Variants in FAM81B observed in about 807,000 individuals in gnomAD.
FAM81B encodes the protein protein FAM81B.
In FAM81B, 60 loss-of-function variants were observed where a neutral mutation model predicts 58.7. That is an observed-to-expected ratio of 1.02 (90% CI 0.83 to 1.27). The LOEUF (loss-of-function observed/expected upper bound fraction) is 1.27, where lower values mean the gene tolerates loss of function less well. Ranked by LOEUF, FAM81B falls within the 50% of genes most tolerant of loss-of-function variation. The pLI is 0.00. For synonymous variants in FAM81B, 189 were observed against 179.6 expected (o/e 1.05, Z -0.42); for missense variants, 491 against 522.0 (o/e 0.94, Z 0.58).
intron 3 of FAM81B, among the ~76,000 whole-genome samples, chr5:95,398,866 G>A (rs758812482): frequency 2.2e-4 from 33 of 152,160 alleles, no homozygotes; most frequent in Non-Finnish European, 2.4e-4. Flanking sequence ...GGTGTAGCAG[G>A]AACAGAAAGG....
intron 5 of FAM81B, 27 bp downstream of exon 5, chr5:95,420,429 T>A: frequency 6.2e-7 from 1 of 1,611,698 alleles, no homozygotes; most frequent in South Asian, 1.1e-5. Context: ...TGACTAATGT[T>A]TAACAGTGAA....
At chr5:95,427,379 C>A (rs1472693245) in intron 5 of FAM81B, among the ~76,000 whole-genome samples, 2 of 152,142 alleles carry the variant, frequency 1.3e-5, no homozygotes, top group African/African-American at 4.8e-5. Flanking sequence ...TGCGTACCAT[C>A]CTGCTCCCAT....
chr5:95,415,407 C>A (rs994753769), intron 4 of FAM81B, among the ~76,000 whole-genome samples: 3 of 152,218 alleles, frequency 2.0e-5, no homozygotes, highest in African/African-American at 7.2e-5. Flanking sequence ...TTGATTAATT[C>A]ATTTTCCATC....
At chr5:95,413,078 G>A (rs996933954) in intron 3 of FAM81B, among the ~76,000 whole-genome samples, 10 of 152,180 alleles carry the variant, frequency 6.6e-5, no homozygotes, top group African/African-American at 2.4e-4. Context: ...CTCTGATGAA[G>A]AGTGTTTTTT....
intron 3 of FAM81B, among the ~76,000 whole-genome samples, chr5:95,404,569 A>T (rs1762197339): frequency 6.6e-6 from 1 of 152,024 alleles, no homozygotes; most frequent in South Asian, 2.1e-4. Flanking sequence ...AAGAGAGTAA[A>T]CTATGTCTTG....
rs57076025 is a variant in FAM81B, at chr5:95,426,094, G to GTATATATATATATATA, written c.657-2495_657-2480dup. 1.9e-3 allele frequency among the ~76,000 whole-genome samples: 232 copies of GTATATATATATATATA among 120,102 alleles called. 2 individuals carry two copies. Among genetic ancestry groups the GTATATATATATATATA allele is most frequent in the African/African-American group, 5.1e-3 (156 of 30,582 alleles). 78.8% of individuals were successfully genotyped at this position (120,102 alleles called of 152,430 possible). A position where few individuals can be genotyped will look rare whatever the true frequency, so the allele number is the denominator to read the frequency against. Reference sequence around the variant, plus strand: ...TTATGTTTTCTTCCTATCTCTGTGTGTATATATATATATATATATATATAT... The same window carrying GTATATATATATATATA: ...TTATGTTTTCTTCCTATCTCTGTGTGTATATATATATATATATATATATATATATATATATATATAT... On this transcript the variant is annotated intron_variant, in intron 5 of 9. Transcript: ENST00000283357.
chr5:95,417,617 A>G (rs1476427217), intron 4 of FAM81B, among the ~76,000 whole-genome samples: 1 of 152,216 alleles, frequency 6.6e-6, no homozygotes, highest in Non-Finnish European at 1.5e-5. Context: ...TTTATTTTAC[A>G]TATTAGAAAT....
At chr5:95,439,572 A>G (rs1005435357) in intron 7 of FAM81B, among the ~76,000 whole-genome samples, 2 of 151,444 alleles carry the variant, frequency 1.3e-5, no homozygotes, top group South Asian at 2.1e-4. Context: ...TGTATTGAAA[A>G]TGTATTTTGC....
intron 3 of FAM81B, among the ~76,000 whole-genome samples, chr5:95,401,174 A>G (rs553975242): frequency 1.2e-3 from 187 of 152,306 alleles, no homozygotes; most frequent in African/African-American, 4.4e-3. Flanking sequence ...TTGCAATCTT[A>G]CTAAAAATTT....
At chr5:95,430,445 A>G (rs1744829144) in intron 6 of FAM81B, among the ~76,000 whole-genome samples, 2 of 151,240 alleles carry the variant, frequency 1.3e-5, no homozygotes, top group African/African-American at 4.8e-5. Flanking sequence ...TTAAAAAAAA[A>G]AAACTAAACA....
chr5:95,398,418 CTAAATAAATAAATAAA>C (rs5869676), intron 3 of FAM81B, among the ~76,000 whole-genome samples: 3 of 142,338 alleles, frequency 2.1e-5, no homozygotes, highest in East Asian at 4.1e-4. Context: ...AACTCAATCT[CTAAATAAATAAATAAA>C]TAAATAAATA....
intron 3 of FAM81B, among the ~76,000 whole-genome samples, chr5:95,410,465 A>T (rs1038611757): frequency 5.3e-5 from 8 of 152,138 alleles, no homozygotes; most frequent in Admixed American, 3.9e-4. Flanking sequence ...TGGCCCTAAA[A>T]TCTGCTGTCC....
At chr5:95,432,493 A>T (rs1744942309) in intron 6 of FAM81B, among the ~76,000 whole-genome samples, 1 of 152,098 alleles carries the variant, frequency 6.6e-6, no homozygotes, top group Non-Finnish European at 1.5e-5. Flanking sequence ...CTGACATATT[A>T]TCTGAGCCTG....
At chr5:95,402,451 G>C (rs1009100320) in intron 3 of FAM81B, among the ~76,000 whole-genome samples, 7 of 151,938 alleles carry the variant, frequency 4.6e-5, no homozygotes, top group African/African-American at 1.7e-4. Context: ...GGCCTGAAAA[G>C]GAATTTCAAA....
intron 5 of FAM81B, among the ~76,000 whole-genome samples, chr5:95,427,305 G>A (rs749778816): frequency 6.6e-6 from 1 of 152,140 alleles, no homozygotes; most frequent in Non-Finnish European, 1.5e-5. Context: ...CAATAGAGGT[G>A]CCATTCTGAC....
At chr5:95,424,162 C>T in intron 5 of FAM81B, 3 of 1,289,760 alleles carry the variant, frequency 2.3e-6, no homozygotes, top group Non-Finnish European at 3.0e-6. Context: ...ATCTACCAGC[C>T]ACCAAACACA....
intron 7 of FAM81B, among the ~76,000 whole-genome samples, chr5:95,443,293 CT>C (rs957487746): frequency 6.6e-6 from 1 of 151,968 alleles, no homozygotes; most frequent in African/African-American, 2.4e-5. Flanking sequence ...AATTTTCTCC[CT>C]TATAATTGCT....
intron 2 of FAM81B, among the ~76,000 whole-genome samples, chr5:95,394,868 G>A (rs1344854726): frequency 6.6e-6 from 1 of 152,068 alleles, no homozygotes; most frequent in Non-Finnish European, 1.5e-5. Context: ...AAGGAGTGAG[G>A]TATCCAATTA....
rs533288754 is a variant in FAM81B, at chr5:95,414,041, G to A, written c.388G>A (p.Glu130Lys). The A allele has an allele frequency of 1.9e-6, 3 of 1,614,024 alleles. No individual in the cohort carries two copies. The highest frequency in any genetic ancestry group is 2.5e-6 in the Non-Finnish European group (3 of 1,180,008). Residue 130 changes from glutamate (E) to lysine (K), a missense_variant, in exon 4 of 10, where the codon GAA (glutamate) becomes AAA (lysine). Glu to Lys is a moderately conservative substitution (Grantham distance 56). Coordinates refer to ENST00000283357, the MANE Select transcript of FAM81B (RefSeq NM_152548.3). ...GGCGCGTACCATAGCTTTCCTTCTT[G>A]AACAAGCCTTCCGCATCAAGGAGGA... Reference protein sequence around the residue: ...NQARTIAFLLEQAFRIKEDIS... With the variant: ...NQARTIAFLLKQAFRIKEDIS...
Sources: gnomAD v4.1 joint callset for allele counts (sites outside exome capture counted in the v4.1 genomes callset) on GRCh38, gnomAD v4.1.1 for gene constraint, MANE v1.5 for transcripts, NCBI Gene and HGNC (gene_info 2026-07-23, HGNC 2026-07-21) for gene names.